Variants in C2orf42 observed in about 807,000 individuals in gnomAD.
The protein encoded by C2orf42 is uncharacterized protein C2orf42.
Under a neutral mutation model 58.9 loss-of-function variants are expected in C2orf42, and 44 were observed. The observed-to-expected ratio is 0.75, with a 90% CI of 0.59 to 0.96. C2orf42 has a LOEUF of 0.96. Ranked by LOEUF, C2orf42 falls within the 40% of genes least tolerant of loss-of-function variation. C2orf42 has a pLI of 0.00. For synonymous variants in C2orf42, 239 were observed against 265.4 expected, an observed-to-expected ratio of 0.90 and a Z score of 0.97; for missense variants, 630 against 699.2, an observed-to-expected ratio of 0.90 and a Z score of 1.12.
At chr2:70,181,000 C>CAAA (rs58297085) in intron 3 of C2orf42, among the ~76,000 whole-genome samples, 163 bp downstream of exon 3, 1 of 60,392 alleles carries the variant, frequency 1.7e-5, no homozygotes. Flanking sequence ...GACCTTGTCT[C>CAAA]AAAAAAAAAA....
intron 1 of C2orf42, among the ~76,000 whole-genome samples, chr2:70,183,447 G>T (rs1350965209): frequency 2.0e-5 from 3 of 149,944 alleles, no homozygotes; most frequent in African/African-American, 2.5e-5. Flanking sequence ...TTTCTTCTTT[G>T]AGATGGAGTC....
chr2:70,174,033 C>T (rs1480970199), intron 5 of C2orf42, among the ~76,000 whole-genome samples: 1 of 152,058 alleles, frequency 6.6e-6, no homozygotes, highest in Non-Finnish European at 1.5e-5. Flanking sequence ...TTAGGCCAGT[C>T]GTGGTGGCTC....
chr2:70,155,706 A>G (rs1028952609), intron 9 of C2orf42, among the ~76,000 whole-genome samples: 18 of 151,898 alleles, frequency 1.2e-4, no homozygotes, highest in African/African-American at 4.4e-4. Context: ...AGGCTGAGGC[A>G]GGAGAATGGC....
In C2orf42 at chr2:70,160,706, C is replaced by T. The variant is rs765416025; in HGVS notation, c.1435G>A (p.Glu479Lys). The T allele has an allele frequency of 6.2e-7, 1 of 1,613,054 alleles. No homozygotes were observed. Among genetic ancestry groups the T allele is most frequent in the Non-Finnish European group, 8.5e-7 (1 of 1,179,270 alleles). Residue 479 changes from glutamate to lysine, a missense_variant, in exon 9 of 10, where the codon GAA becomes AAA. Coordinates refer to ENST00000264434, the MANE Select transcript of C2orf42 (RefSeq NM_017880.3). ...ELFKCPKVEV[E>K]SIAETYGRIE... is the part of the protein sequence containing the mutation. ...CGACCGTAGGTTTCTGCTATGCTTT[C>T]TACTTCCACTTTAGGGCATTTAAAT...
Position 70,150,414 on chromosome 2 carries a change from C to G in C2orf42, c.1667G>C (p.Arg556Pro). ...TTCCAAGGGCTGGTCCAAGGGGGGC[C>G]GCTGGTCTTGGTACTCCGCCACATG... ...NGHVAEYQDQ[R>P]PPLDQPLELA... is the part of the protein sequence containing the mutation. Residue 556 changes from arginine (R) to proline (P), a missense_variant, in exon 10 of 10, where the codon CGG (arginine) becomes CCG (proline). Physicochemically the swap from Arg to Pro is moderately radical, Grantham distance 103. Coordinates refer to ENST00000264434, the MANE Select transcript of C2orf42 (RefSeq NM_017880.3). 6.2e-7 allele frequency: 1 copy of G among 1,614,032 alleles called. No homozygotes were observed. The highest frequency in any genetic ancestry group is 8.5e-7 in the Non-Finnish European group (1 of 1,180,012).
chr2:70,155,677 G>A (rs940493145), intron 9 of C2orf42, among the ~76,000 whole-genome samples: 3 of 151,846 alleles, frequency 2.0e-5, no homozygotes, highest in East Asian at 1.9e-4. Context: ...GCGGGTGCCT[G>A]TAGTCCCAGC....
intron 9 of C2orf42, among the ~76,000 whole-genome samples, chr2:70,153,792 G>T (rs1672465672): frequency 6.6e-6 from 1 of 151,788 alleles, no homozygotes; most frequent in Admixed American, 6.6e-5. Flanking sequence ...GGGCGCGGTG[G>T]CTCATGCCTG....
intron 3 of C2orf42, among the ~76,000 whole-genome samples, chr2:70,180,843 A>G (rs534311235): frequency 6.6e-6 from 1 of 151,042 alleles, no homozygotes; most frequent in Non-Finnish European, 1.5e-5. Context: ...TCTGCAAAAA[A>G]TTAAAAAAAT....
At position 70,181,876 on chromosome 2, in the gene C2orf42, G is replaced by A. The variant is rs1418150113; in HGVS notation, c.110C>T (p.Thr37Ile). 1.2e-6 allele frequency: 2 copies of A among 1,613,682 alleles called. No individual in the cohort carries two copies. Among genetic ancestry groups the A allele is most frequent in the Admixed American group, 1.7e-5 (1 of 59,958 alleles). Residue 37 changes from threonine to isoleucine, a missense_variant, in exon 3 of 10, where the codon ACC (threonine) becomes ATC (isoleucine). Thr to Ile is a moderately conservative substitution (Grantham distance 89). Coordinates refer to ENST00000264434, the MANE Select transcript of C2orf42 (RefSeq NM_017880.3). Reference sequence around the variant, plus strand: ...CTTGTTCTTACAGCTCAGTCCCCGGGTTCCATTGTATGTGCCACATCGGGG... The same window carrying A: ...CTTGTTCTTACAGCTCAGTCCCCGGATTCCATTGTATGTGCCACATCGGGG... ...KCPRCGTYNG[T>I]RGLSCKNKTC...
Position 70,187,504 on chromosome 2 carries a change from C to T in C2orf42, c.-282+3469G>A, listed in dbSNP as rs141734730. Among the ~76,000 whole-genome samples, 1,409 of 152,128 alleles carry T rather than the reference C, an allele frequency of 9.3e-3. 20 individuals carry two copies. The highest frequency in any genetic ancestry group is 0.031 in the African/African-American group (1,304 of 41,508). ...CCGACCTCAAGTGATCTGCCTGCCT[C>T]GGCCTCTCAAGTGCTGGGATTACAG... On this transcript the variant is annotated intron_variant, in intron 1 of 9. Coordinates refer to ENST00000264434, the MANE Select transcript of C2orf42 (RefSeq NM_017880.3).
In C2orf42 at chr2:70,175,678, CT is replaced by C; in HGVS notation, c.1033del (p.Arg345GlyfsTer8). 6.2e-7 allele frequency: 1 copy of C among 1,601,494 alleles called. No individual in the cohort carries two copies. Among genetic ancestry groups the C allele is most frequent in the Non-Finnish European group, 8.6e-7 (1 of 1,168,630 alleles). On this transcript the variant is annotated frameshift_variant, in exon 5 of 10. Coordinates refer to ENST00000264434, the MANE Select transcript of C2orf42 (RefSeq NM_017880.3). LOFTEE classifies it high-confidence loss of function. ...TCTAGGGAAGGGAAACTTACCCTGC[CT>C]TTTTAACGAGGAAGCAACCACAGGC... is the stretch of plus-strand genomic sequence containing the variant. The part of the protein sequence containing the change: ...KKPVVASSLK[R>X]QACGQLLDEA...
chr2:70,157,547 A>G (rs1672759684), intron 9 of C2orf42, among the ~76,000 whole-genome samples: 1 of 152,250 alleles, frequency 6.6e-6, no homozygotes, highest in Non-Finnish European at 1.5e-5. Context: ...CTGTAATCCC[A>G]GAACTTTGGG....
intron 8 of C2orf42, among the ~76,000 whole-genome samples, chr2:70,161,271 C>T (rs976213345): frequency 1.3e-5 from 2 of 152,170 alleles, no homozygotes; most frequent in African/African-American, 4.8e-5. Context: ...TTCTCAGAGC[C>T]TGTTTTCTCA....
chr2:70,177,543 T>C (rs956610364), intron 4 of C2orf42, among the ~76,000 whole-genome samples: 1 of 152,214 alleles, frequency 6.6e-6, no homozygotes, highest in African/African-American at 2.4e-5. Flanking sequence ...TGTTTCTCCA[T>C]CTTTCTTCAA....
intron 9 of C2orf42, among the ~76,000 whole-genome samples, chr2:70,153,787 C>T (rs1236611571): frequency 6.6e-6 from 1 of 151,244 alleles, no homozygotes; most frequent in African/African-American, 2.4e-5. Context: ...CGGCCGGGCG[C>T]GGTGGCTCAT....
chr2:70,182,220 C>T (rs1674631872), intron 2 of C2orf42, among the ~76,000 whole-genome samples: 1 of 152,116 alleles, frequency 6.6e-6, no homozygotes, highest in African/African-American at 2.4e-5. Flanking sequence ...CTGCCTCAGC[C>T]TCCCGAATAG....
chr2:70,189,697 G>A (rs1477440675), intron 1 of C2orf42, among the ~76,000 whole-genome samples: 4 of 135,148 alleles, frequency 3.0e-5, no homozygotes, highest in South Asian at 2.3e-4. Context: ...CAGCCTGGGC[G>A]ACAGCGAGAC....
At chr2:70,160,301 G>A (rs889172011) in intron 9 of C2orf42, among the ~76,000 whole-genome samples, 1 of 151,936 alleles carries the variant, frequency 6.6e-6, no homozygotes, top group African/African-American at 2.4e-5. Context: ...CACTATGCCT[G>A]GCTAAGTTTT....
chr2:70,179,747 C>T lies in C2orf42; in HGVS notation c.824-105G>A, dbSNP rs555838335. The T allele has an allele frequency of 5.8e-5, 27 of 463,648 alleles. No individual in the cohort carries two copies. In the Admixed American group the frequency reaches 7.9e-4, roughly 14 times the overall value. 28.7% of individuals were successfully genotyped at this position (463,648 alleles called of 1,614,324 possible). ...AATTTCTTTTTAAAAATCCCCCAAACGAATTATCCCAGGCTGGGCAACATA... is the reference window on the plus strand; with the variant it reads ...AATTTCTTTTTAAAAATCCCCCAAATGAATTATCCCAGGCTGGGCAACATA... On this transcript the variant is annotated intron_variant, in intron 3 of 9. Coordinates refer to ENST00000264434, the MANE Select transcript of C2orf42 (RefSeq NM_017880.3).
Sources: gnomAD v4.1 joint callset for allele counts (sites outside exome capture counted in the v4.1 genomes callset) on GRCh38, gnomAD v4.1.1 for gene constraint, MANE v1.5 for transcripts, NCBI Gene and HGNC (gene_info 2026-07-23, HGNC 2026-07-21) for gene names.